The following PRDM5 variants were observed in gnomAD, a reference collection of about 807,000 sequenced individuals.
PRDM5 encodes PR domain zinc finger protein 5.
A neutral mutation model predicts 81.2 loss-of-function variants in PRDM5; 56 were observed. That is an observed-to-expected ratio of 0.69 (90% confidence interval 0.56 to 0.86). PRDM5 has a LOEUF of 0.86. Ranked by LOEUF, PRDM5 falls within the 40% of genes least tolerant of loss-of-function variation. PRDM5 has a pLI of 0.00. For missense variants in PRDM5, 697 were observed against 770.1 expected, an observed-to-expected ratio of 0.91 and a Z score of 1.12; for synonymous variants, 267 against 256.4, an observed-to-expected ratio of 1.04 and a Z score of -0.39.
chr4:120,918,774 G>C (rs894333320), intron 1 of PRDM5, among the ~76,000 whole-genome samples: 1 of 151,814 alleles, frequency 6.6e-6, no homozygotes, highest in Non-Finnish European at 1.5e-5. Context: ...GAATCTGAGA[G>C]GCAACTGTGA....
intron 8 of PRDM5, chr4:120,810,467 C>A (rs1055968734): frequency 6.6e-6 from 1 of 152,140 alleles, no homozygotes; most frequent in African/African-American, 2.4e-5. Context: ...AAAGTAATCT[C>A]AGTGCTCATT....
At chr4:120,725,471 A>G (rs1019470361) in intron 14 of PRDM5, among the ~76,000 whole-genome samples, 21 of 152,208 alleles carry the variant, frequency 1.4e-4, no homozygotes, top group Admixed American at 8.5e-4. Flanking sequence ...AACAGATCAC[A>G]TTTCACTTTT....
intron 14 of PRDM5, among the ~76,000 whole-genome samples, chr4:120,712,830 C>A (rs1737203513): frequency 6.6e-6 from 1 of 152,120 alleles, no homozygotes; most frequent in South Asian, 2.1e-4. Context: ...TAGCTGTATA[C>A]CACAATTTAT....
intron 2 of PRDM5, among the ~76,000 whole-genome samples, chr4:120,903,147 A>T (rs1765400570): frequency 6.6e-6 from 1 of 152,200 alleles, no homozygotes; most frequent in Non-Finnish European, 1.5e-5. Context: ...TAACCACAAC[A>T]TATGTAACTA....
chr4:120,727,161 AG>A (rs1309443566), intron 14 of PRDM5, among the ~76,000 whole-genome samples: 3 of 152,192 alleles, frequency 2.0e-5, no homozygotes, highest in Non-Finnish European at 4.4e-5. Flanking sequence ...CAAAGCAGTC[AG>A]GCACACCACA....
chr4:120,821,037 G>A (rs1259336608), intron 4 of PRDM5, 134 bp downstream of exon 4: 15 of 1,080,110 alleles, frequency 1.4e-5, no homozygotes, highest in African/African-American at 4.7e-5. Flanking sequence ...GGATACCCTC[G>A]AGAATAATTT....
At chr4:120,729,027 C>G (rs1017517175) in intron 14 of PRDM5, among the ~76,000 whole-genome samples, 2 of 152,186 alleles carry the variant, frequency 1.3e-5, no homozygotes, top group South Asian at 4.1e-4. Flanking sequence ...TCTAGGACCC[C>G]GCAGGAGACG....
At chr4:120,756,042 T>C (rs1333582270) in intron 13 of PRDM5, among the ~76,000 whole-genome samples, 1 of 152,148 alleles carries the variant, frequency 6.6e-6, no homozygotes, top group Non-Finnish European at 1.5e-5. Context: ...AAATCAACCT[T>C]TGCACTAGGT....
chr4:120,852,804 T>G (rs1244255277), intron 3 of PRDM5, among the ~76,000 whole-genome samples: 1 of 4,186 alleles, frequency 2.4e-4, no homozygotes, highest in African/African-American at 4.5e-4. Flanking sequence ...ATATCCTTTC[T>G]TTTTTTTTTT....
chr4:120,740,100 G>A (rs971282875), intron 14 of PRDM5, among the ~76,000 whole-genome samples: 5 of 151,934 alleles, frequency 3.3e-5, no homozygotes, highest in Admixed American at 6.6e-5. Context: ...AAAATACAAC[G>A]GTATTTTGAA....
intron 13 of PRDM5, among the ~76,000 whole-genome samples, chr4:120,758,422 T>C (rs1282352426): frequency 1.3e-5 from 2 of 152,200 alleles, no homozygotes; most frequent in African/African-American, 2.4e-5. Flanking sequence ...ACTTGGGAAC[T>C]GGGTTGTTGC....
At chr4:120,804,015 C>A (rs1752528611) in intron 8 of PRDM5, among the ~76,000 whole-genome samples, 1 of 152,022 alleles carries the variant, frequency 6.6e-6, no homozygotes, top group African/African-American at 2.4e-5. Context: ...GAAGATCTAC[C>A]AAGCAAATGG....
chr4:120,921,444 C>G (rs763261578), intron 1 of PRDM5, among the ~76,000 whole-genome samples: 22 of 152,166 alleles, frequency 1.4e-4, no homozygotes, highest in Admixed American at 4.6e-4. Context: ...ATCATGTTGT[C>G]AGTGGAGCCC....
intron 8 of PRDM5, among the ~76,000 whole-genome samples, chr4:120,803,569 G>T (rs1032472245): frequency 4.6e-5 from 7 of 152,130 alleles, no homozygotes; most frequent in Non-Finnish European, 8.8e-5. Context: ...TTAAAGAAAA[G>T]AATTTTCAAC....
chr4:120,892,677 T>C (rs1764186043), intron 2 of PRDM5, among the ~76,000 whole-genome samples: 1 of 151,864 alleles, frequency 6.6e-6, no homozygotes, highest in Admixed American at 6.6e-5. Flanking sequence ...GTGGCTCATC[T>C]GGCTATGAGA....
chr4:120,898,043 G>T (rs942995034), intron 2 of PRDM5, among the ~76,000 whole-genome samples: 3 of 152,122 alleles, frequency 2.0e-5, no homozygotes, highest in African/African-American at 7.2e-5. Context: ...AAAGTTTAGA[G>T]GATCCAGGTA....
intron 5 of PRDM5, 51 bp from the exon 6 acceptor site, chr4:120,816,975 C>CT (rs753848224): frequency 2.1e-6 from 3 of 1,402,746 alleles, no homozygotes; most frequent in Admixed American, 3.4e-5. Context: ...AACTGGAACT[C>CT]TAAGACAAAA....
chr4:120,721,191 A>G (rs1442143978), intron 14 of PRDM5, among the ~76,000 whole-genome samples: 1 of 152,210 alleles, frequency 6.6e-6, no homozygotes, highest in Admixed American at 6.5e-5. Context: ...GGGTGACTCA[A>G]ACTAGTCCAT....
At chr4:120,798,867 T>C (rs1751709280) in intron 9 of PRDM5, among the ~76,000 whole-genome samples, 1 of 152,206 alleles carries the variant, frequency 6.6e-6, no homozygotes, top group Admixed American at 6.5e-5. Flanking sequence ...TTTACACTGG[T>C]ATGTAAAATT....
Sources: allele counts gnomAD v4.1 joint callset (sites outside exome capture counted in the v4.1 genomes callset), GRCh38; gene constraint gnomAD v4.1.1; transcripts MANE v1.5; gene names NCBI Gene and HGNC (gene_info 2026-07-23, HGNC 2026-07-21).